GIPC1: variants seen among roughly 807,000 people sequenced by gnomAD.
GIPC1 encodes the protein PDZ domain-containing protein GIPC1.
A neutral mutation model predicts 28.5 loss-of-function variants in GIPC1; 15 were observed. The ratio of observed to expected loss-of-function variants is 0.53; its 90% CI spans 0.35 to 0.81. The LOEUF (loss-of-function observed/expected upper bound fraction) is 0.81. GIPC1 is among the 30% of genes least tolerant of loss of function. The probability of loss-of-function intolerance (pLI) is 0.01; values close to 1 mark genes in which losing one functional copy is unlikely to be tolerated. For missense variants in GIPC1, 439 were observed against 481.9 expected (o/e 0.91, Z 0.83); for synonymous variants, 224 against 206.1 (o/e 1.09, Z -0.74).
chr19:14,494,984 G>A (rs2072045918), intron 1 of GIPC1, among the ~76,000 whole-genome samples: 1 of 152,128 alleles, frequency 6.6e-6, no homozygotes, highest in Non-Finnish European at 1.5e-5. Flanking sequence ...AGGGGAAGGG[G>A]GAAACCACGC....
chr19:14,486,283 G>A (rs1187809), intron 3 of GIPC1, among the ~76,000 whole-genome samples: 34,177 of 152,142 alleles, frequency 0.22, 4,205 homozygotes, highest in Middle Eastern at 0.32. Flanking sequence ...AAGCGACTAC[G>A]CTTCTATTTT....
At position 14,485,725 on chromosome 19, in the gene GIPC1, A is replaced by AGAGG. The variant is rs1555721821; in HGVS notation, c.-30-2720_-30-2719insCCTC. Among the ~76,000 whole-genome samples, 111 of 141,204 alleles carry AGAGG rather than the reference A, an allele frequency of 7.9e-4. 2 individuals are homozygous for AGAGG. The highest frequency in any genetic ancestry group is 2.7e-3 in the African/African-American group (102 of 38,346). The allele number at this position is 141,204 out of a possible 152,430, so 92.6% of individuals were successfully genotyped here. A position where few individuals can be genotyped will look rare whatever the true frequency, so the allele number is the denominator to read the frequency against. ...TATAGAGAGAGAGAGAGAGAGAGAG[A>AGAGG]GAGAGAGAGAGAGAGACAGAGAGAG... On this transcript the variant is annotated intron_variant, in intron 3 of 8. Transcript: ENST00000393033.
In GIPC1 at chr19:14,478,206, G is replaced by T; in HGVS notation, c.*210C>A. The T allele has an allele frequency of 1.8e-6, 1 of 560,994 alleles. No homozygotes were observed. Among genetic ancestry groups the T allele is most frequent in the South Asian group, 2.6e-5 (1 of 39,006 alleles). The allele number at this position is 560,994 out of a possible 1,614,324, so 34.8% of individuals were successfully genotyped here. On this transcript the variant is annotated 3_prime_UTR_variant, in exon 9 of 9. Transcript: ENST00000393033. This position sits in a 1 kb window ranked among gnomAD's most constrained non-coding sequence, Gnocchi z 5.2. ...AGGTAGGTGGGGAACAGGGCACAGGGGGGCCGGGGACCCCGGCCAGACTGG... is the reference window on the plus strand; with the variant it reads ...AGGTAGGTGGGGAACAGGGCACAGGTGGGCCGGGGACCCCGGCCAGACTGG...
chr19:14,493,903 T>G (rs983292996), intron 1 of GIPC1, among the ~76,000 whole-genome samples: 1 of 151,374 alleles, frequency 6.6e-6, no homozygotes, highest in Non-Finnish European at 1.5e-5. Flanking sequence ...TCAGGTGATC[T>G]GCCTGCCTCG....
At position 14,483,023 on chromosome 19, in the gene GIPC1, G is replaced by A. The variant is rs2071766422; in HGVS notation, c.-30-17C>T. 3 of 1,578,512 alleles carry A rather than the reference G, an allele frequency of 1.9e-6. No individual in the cohort carries two copies. The highest frequency in any genetic ancestry group is 2.3e-5 in the South Asian group (2 of 88,488). On this transcript the variant is annotated splice_polypyrimidine_tract_variant and intron_variant, in intron 3 of 8. Coordinates refer to ENST00000393033, the MANE Select transcript of GIPC1 (RefSeq NM_005716.4). ...CCAGAAGATCTGCAGGACAGGAAGT[G>A]GGGCTCAGGGCCTGGGCAGAGGCCT...
At chr19:14,495,684 G>T (rs1247928470) in intron 1 of GIPC1, among the ~76,000 whole-genome samples, 10 of 152,088 alleles carry the variant, frequency 6.6e-5, no homozygotes, top group African/African-American at 2.4e-4. Flanking sequence ...GGGTTCAGAC[G>T]CGGTTAGCTC....
chr19:14,482,476 G>T, intron 4 of GIPC1: 1 of 603,646 alleles, frequency 1.7e-6, no homozygotes. Flanking sequence ...TCCAGCCCTG[G>T]CCTCCAGTTC....
rs564049172 is a variant in GIPC1 at position 14,482,517 on chromosome 19, G to A, written c.288+172C>T. ...AATTCACAGGGGCACAAGCCTCCCA[G>A]TGCCTCATGGGGACTCAGCATCCAG... On this transcript the variant is annotated intron_variant, in intron 4 of 8. Coordinates refer to ENST00000393033, the MANE Select transcript of GIPC1 (RefSeq NM_005716.4). 236 of 658,198 alleles carry A rather than the reference G, an allele frequency of 3.6e-4. No individual in the cohort carries two copies. The South Asian group carries it at 3.8e-3, about 11-fold the overall frequency. The allele number at this position is 658,198 out of a possible 1,614,324, so 40.8% of individuals were successfully genotyped here.
Position 14,479,405 on chromosome 19 carries a change from C to A in GIPC1, c.768+7G>T, listed in dbSNP as rs1398308048. On this transcript the variant is annotated splice_region_variant and intron_variant, in intron 7 of 8. Transcript: ENST00000393033. Reference sequence around the variant, plus strand: ...TGCCGGAGATAGGGTCCGGCTGGAGCACTCACCAGATCCTCCACCGTGGCG... The same window carrying A: ...TGCCGGAGATAGGGTCCGGCTGGAGAACTCACCAGATCCTCCACCGTGGCG... The A allele has an allele frequency of 8.2e-7, 1 of 1,220,986 alleles. No homozygotes were observed. Among genetic ancestry groups the A allele is most frequent in the Non-Finnish European group, 1.1e-6 (1 of 913,420 alleles). The allele number at this position is 1,220,986 out of a possible 1,614,324, so 75.6% of individuals were successfully genotyped here.
At chr19:14,495,920 G>A (rs1328493443) in intron 1 of GIPC1, 117 bp downstream of exon 1, 1 of 146,108 alleles carries the variant, frequency 6.8e-6, no homozygotes, top group Non-Finnish European at 1.5e-5. Flanking sequence ...GCGCAGCCTA[G>A]ACCTCCAGTC....
intron 3 of GIPC1, among the ~76,000 whole-genome samples, chr19:14,484,919 G>C (rs918900045): frequency 9.9e-5 from 15 of 152,068 alleles, no homozygotes; most frequent in Admixed American, 9.2e-4. Context: ...CAGCACTTTG[G>C]GAGGCTGAGG....
rs71166735 is a variant in GIPC1 at position 14,496,041 on chromosome 19, TCCGCCGCCGCCGCCGCCG to T, written c.-197_-180del. On this transcript the variant is annotated 5_prime_UTR_variant, in exon 1 of 9. Coordinates refer to ENST00000393033, the MANE Select transcript of GIPC1 (RefSeq NM_005716.4). ...CTTCTCGCAGAGGCCACTCACCTGCTCCGCCGCCGCCGCCGCCGCCGCCGCCGCCGCCGCTGCCTCCGC... is the reference window on the plus strand; with the variant it reads ...CTTCTCGCAGAGGCCACTCACCTGCTCCGCCGCCGCCGCCGCTGCCTCCGC... 538 of 226,398 alleles carry T rather than the reference TCCGCCGCCGCCGCCGCCG, an allele frequency of 2.4e-3. 3 individuals carry two copies. The highest frequency in any genetic ancestry group is 0.011 in the African/African-American group (442 of 40,252). 14.0% of individuals were successfully genotyped at this position (226,398 alleles called of 1,614,324 possible). A position where few individuals can be genotyped will look rare whatever the true frequency, so the allele number is the denominator to read the frequency against.
At position 14,480,483 on chromosome 19, in the gene GIPC1, G is replaced by A; in HGVS notation, c.477C>T (p.Arg159=). ...DNGAGYAFIK[R]IKEGSVIDHI... Reference sequence around the variant, plus strand: ...GGTCGATCACGCTGCCCTCCTTGATGCGCTGCGGGGGCGGGGAGTCATCAG... The same window carrying A: ...GGTCGATCACGCTGCCCTCCTTGATACGCTGCGGGGGCGGGGAGTCATCAG... Residue 159 remains arginine, a splice_region_variant and synonymous_variant, in exon 6 of 9, where the codon CGC becomes CGT. Transcript: ENST00000393033. The A allele has an allele frequency of 6.2e-7, 1 of 1,610,544 alleles. No individual in the cohort carries two copies. Among genetic ancestry groups the A allele is most frequent in the Non-Finnish European group, 8.5e-7 (1 of 1,177,500 alleles).
chr19:14,490,330 C>A (rs1174069968), intron 3 of GIPC1, among the ~76,000 whole-genome samples: 1 of 151,398 alleles, frequency 6.6e-6, no homozygotes, highest in Non-Finnish European at 1.5e-5. Flanking sequence ...CGTGCCATTG[C>A]ACTCCAGCCT....
chr19:14,495,455 C>A (rs1034138357), intron 1 of GIPC1, among the ~76,000 whole-genome samples: 6 of 152,130 alleles, frequency 3.9e-5, no homozygotes, highest in Admixed American at 6.5e-5. Flanking sequence ...CAGTTACTAG[C>A]TGTGTGACCT....
Position 14,496,076 on chromosome 19 carries a change from T to TCCGCCGCCGCCGCCGCCGCCGCCTCCGCC in GIPC1, c.-215_-214insGGCGGAGGCGGCGGCGGCGGCGGCGGCGG. The TCCGCCGCCGCCGCCGCCGCCGCCTCCGCC allele has an allele frequency of 4.9e-6, 1 of 203,662 alleles. No homozygotes were observed. The highest frequency in any genetic ancestry group is 3.0e-5 in the African/African-American group (1 of 33,514). The allele number at this position is 203,662 out of a possible 1,614,324, so 12.6% of individuals were successfully genotyped here. ...CCGCCGCCGCCGCCGCCGCCGCCGC[T>TCCGCCGCCGCCGCCGCCGCCGCCTCCGCC]GCCTCCGCCTCCCCGTGCGCACCCG... is the stretch of plus-strand genomic sequence containing the variant. On this transcript the variant is annotated 5_prime_UTR_variant, in exon 1 of 9. Transcript: ENST00000393033.
rs201549025 is a variant in GIPC1, at chr19:14,482,762, C to A, written c.215G>T (p.Arg72Leu). The change falls in exon 4 of 9, where the codon CGC becomes CTC. Residue 72 changes from arginine to leucine, a missense_variant. Arg to Leu is a moderately radical substitution (Grantham distance 102). Coordinates refer to ENST00000393033, the MANE Select transcript of GIPC1 (RefSeq NM_005716.4). ...TQLAHGSPTG[R>L]IEGFTNVKEL... ...CTTGACGTTGGTGAAGCCCTCGATG[C>A]GGCCAGTGGGACTGCCATGGGCCAG... is the stretch of plus-strand genomic sequence containing the variant. 1 of 1,610,844 alleles carries A rather than the reference C, an allele frequency of 6.2e-7. No individual in the cohort carries two copies. The highest frequency in any genetic ancestry group is 8.5e-7 in the Non-Finnish European group (1 of 1,179,526).
chr19:14,490,431 A>G (rs2071943623), intron 3 of GIPC1, among the ~76,000 whole-genome samples: 1 of 151,934 alleles, frequency 6.6e-6, no homozygotes, highest in African/African-American at 2.4e-5. Flanking sequence ...TAATCCCAGC[A>G]CTTTGGGAGG....
intron 3 of GIPC1, chr19:14,489,485 G>C (rs760460119): frequency 3.1e-6 from 3 of 953,042 alleles, no homozygotes; most frequent in East Asian, 4.8e-5. Context: ...ATATTGCGGG[G>C]ATTTGATCCC....
Sources: gnomAD v4.1 joint callset for allele counts (sites outside exome capture counted in the v4.1 genomes callset) on GRCh38, gnomAD v4.1.1 for gene constraint, Gnocchi (gnomAD v3.1) non-coding constraint, MANE v1.5 for transcripts, NCBI Gene and HGNC (gene_info 2026-07-23, HGNC 2026-07-21) for gene names.